Variants in AJAP1 observed in about 807,000 individuals in gnomAD.
AJAP1 encodes the protein adherens junctions associated protein 1.
Under a neutral mutation model 35.0 loss-of-function variants are expected in AJAP1, and 5 were observed. That is an observed-to-expected ratio of 0.14 (90% CI 0.07 to 0.30). The LOEUF (loss-of-function observed/expected upper bound fraction) is 0.30. Ranked by LOEUF, AJAP1 falls within the 10% of genes least tolerant of loss-of-function variation. The pLI, the probability that AJAP1 is intolerant of heterozygous loss-of-function variation, is 1.00. For synonymous variants in AJAP1, 284 were observed against 249.3 expected (o/e 1.14, Z -1.31); for missense variants, 586 against 571.0 (o/e 1.03, Z -0.27).
rs916623965 is a variant in AJAP1, at chr1:4,738,658, G to A, written c.829+25959G>A. Among the ~76,000 whole-genome samples, 10 of 152,312 alleles carry A rather than the reference G, an allele frequency of 6.6e-5. No homozygotes were observed. The East Asian group carries it at 9.7e-4, about 15-fold the overall frequency. ...GTGCAGAGACTAGGAGAAGCCGCTGGAGGGTTTGAGCTGGGAAGCAGGAAG... is the reference window on the plus strand; with the variant it reads ...GTGCAGAGACTAGGAGAAGCCGCTGAAGGGTTTGAGCTGGGAAGCAGGAAG... On this transcript the variant is annotated intron_variant, in intron 2 of 5. Transcript: ENST00000378191.
At chr1:4,739,657 A>G (rs778630298) in intron 2 of AJAP1, among the ~76,000 whole-genome samples, 13 of 152,076 alleles carry the variant, frequency 8.5e-5, no homozygotes, top group Non-Finnish European at 1.9e-4. Flanking sequence ...CTTGGAGCAT[A>G]TTTTTAAAAG....
rs1642138985 is a variant in AJAP1 at position 4,785,058 on chromosome 1, C to G, written c.*2573C>G. ...CGGGGGGCCCTGTTGGTTCGCTGAT[C>G]ATGAGAACCTAGGATTCCCGAGGGA... On this transcript the variant is annotated 3_prime_UTR_variant, in exon 6 of 6. Coordinates refer to ENST00000378191, the MANE Select transcript of AJAP1 (RefSeq NM_018836.4). The G allele has an allele frequency of 6.6e-6, 1 of 152,354 alleles. No individual in the cohort carries two copies. Among genetic ancestry groups the G allele is most frequent in the Admixed American group, 6.5e-5 (1 of 15,294 alleles). 9.4% of individuals were successfully genotyped at this position (152,354 alleles called of 1,614,324 possible).
At position 4,786,101 on chromosome 1, in the gene AJAP1, C is replaced by G. The variant is rs1018943561; in HGVS notation, c.*3616C>G. 6.6e-6 allele frequency: 1 copy of G among 152,322 alleles called. No individual in the cohort carries two copies. The highest frequency in any genetic ancestry group is 1.9e-4 in the East Asian group (1 of 5,170). The allele number at this position is 152,322 out of a possible 1,614,324, so 9.4% of individuals were successfully genotyped here. ...TGGTCAGGGAGCTTCCCCACCGTTT[C>G]CCATTGGGCTCAGATTCCAGCCATT... is the stretch of plus-strand genomic sequence containing the variant. On this transcript the variant is annotated 3_prime_UTR_variant, in exon 6 of 6. Coordinates refer to ENST00000378191, the MANE Select transcript of AJAP1 (RefSeq NM_018836.4).
In AJAP1 at chr1:4,790,517, C is replaced by A. The variant is rs1250005883; in HGVS notation, c.*8032C>A. 7.2e-5 allele frequency: 11 copies of A among 152,366 alleles called. No individual in the cohort carries two copies. Among genetic ancestry groups the A allele is most frequent in the African/African-American group, 2.2e-4 (9 of 41,598 alleles). The allele number at this position is 152,366 out of a possible 1,614,324, so 9.4% of individuals were successfully genotyped here. On this transcript the variant is annotated 3_prime_UTR_variant, in exon 6 of 6. Coordinates refer to ENST00000378191, the MANE Select transcript of AJAP1 (RefSeq NM_018836.4). ...GGGGCAACTGGTTTTGAAAAGCCCG[C>A]TGGCGTGCCAGAGGGGGTGTTTGCC... is the stretch of plus-strand genomic sequence containing the variant.
At chr1:4,749,556 G>T (rs987458611) in intron 2 of AJAP1, among the ~76,000 whole-genome samples, 9 of 152,190 alleles carry the variant, frequency 5.9e-5, no homozygotes, top group Non-Finnish European at 1.3e-4. Flanking sequence ...CCACGGACGT[G>T]GGGAGGCACA....
rs1639949032 is a variant in AJAP1, at chr1:4,699,930, G to C, written c.30-11970G>C. ...TGTAGCTGTGGCTGAATCCCTGTGGGGTATTATTTTAGTATCCTACGCCGT... is the reference window on the plus strand; with the variant it reads ...TGTAGCTGTGGCTGAATCCCTGTGGCGTATTATTTTAGTATCCTACGCCGT... On this transcript the variant is annotated intron_variant, in intron 1 of 5. Coordinates refer to ENST00000378191, the MANE Select transcript of AJAP1 (RefSeq NM_018836.4). Among the ~76,000 whole-genome samples, 3 of 152,270 alleles carry C rather than the reference G, an allele frequency of 2.0e-5. No individual in the cohort carries two copies. In the South Asian group the frequency reaches 6.2e-4, roughly 32 times the overall value.
intron 1 of AJAP1, among the ~76,000 whole-genome samples, chr1:4,686,991 C>T (rs1639621140): frequency 6.6e-6 from 1 of 152,184 alleles, no homozygotes; most frequent in African/African-American, 2.4e-5. Context: ...CCAAGTTGAC[C>T]AGGGCTGCCT....
chr1:4,666,696 TCGCGGGAGGGG>T (rs1639130554), intron 1 of AJAP1, among the ~76,000 whole-genome samples: 3 of 131,732 alleles, frequency 2.3e-5, no homozygotes, highest in Admixed American at 7.8e-5. Flanking sequence ...GGCCCAAGAA[TCGCGGGAGGGG>T]TGCGGAGAGG....
At chr1:4,781,457 G>A (rs915149650) in intron 5 of AJAP1, among the ~76,000 whole-genome samples, 1 of 152,202 alleles carries the variant, frequency 6.6e-6, no homozygotes, top group Non-Finnish European at 1.5e-5. Flanking sequence ...TGACGATGAC[G>A]GAGCCGGTCT....
At chr1:4,680,891 C>T (rs1271633066) in intron 1 of AJAP1, among the ~76,000 whole-genome samples, 5 of 152,080 alleles carry the variant, frequency 3.3e-5, no homozygotes, top group African/African-American at 4.8e-5. Context: ...TGGACTATTT[C>T]TGTGCGGGAT....
At chr1:4,762,747 A>ACCC (rs1157721883) in intron 2 of AJAP1, among the ~76,000 whole-genome samples, 3 of 151,884 alleles carry the variant, frequency 2.0e-5, no homozygotes, top group African/African-American at 7.3e-5. Context: ...GATTGTGGGG[A>ACCC]CCCCAAATGG....
intron 5 of AJAP1, chr1:4,777,695 A>G (rs2100370660): frequency 6.6e-6 from 1 of 152,346 alleles, no homozygotes; most frequent in Admixed American, 6.5e-5. Flanking sequence ...GGAGCCTGCA[A>G]AGTCATAAAA....
At chr1:4,686,912 G>A (rs1639619256) in intron 1 of AJAP1, among the ~76,000 whole-genome samples, 1 of 152,180 alleles carries the variant, frequency 6.6e-6, no homozygotes, top group Non-Finnish European at 1.5e-5. Context: ...CAAGCAAAGG[G>A]AATCTCCACT....
chr1:4,693,729 T>G lies in AJAP1; in HGVS notation c.30-18171T>G, dbSNP rs145399909. 9.1e-3 allele frequency among the ~76,000 whole-genome samples: 1,386 copies of G among 152,272 alleles called. 30 individuals carry two copies. Among genetic ancestry groups the G allele is most frequent in the East Asian group, 0.071 (369 of 5,174 alleles). ...GGCACCCAAGGTCAAGGGGCCCACG[T>G]CTCGCTGGGGCTTCTTGCTGTGTAA... On this transcript the variant is annotated intron_variant, in intron 1 of 5. Transcript: ENST00000378191. This position sits in a 1 kb window ranked among gnomAD's most constrained non-coding sequence, Gnocchi z 4.4.
intron 2 of AJAP1, among the ~76,000 whole-genome samples, chr1:4,728,378 G>A (rs932546632): frequency 6.6e-5 from 10 of 152,084 alleles, no homozygotes; most frequent in Admixed American, 3.9e-4. Context: ...TGTGTGGCTC[G>A]TGGTTTCCTT....
At chr1:4,735,600 A>G (rs1640903448) in intron 2 of AJAP1, among the ~76,000 whole-genome samples, 1 of 152,188 alleles carries the variant, frequency 6.6e-6, no homozygotes, top group Non-Finnish European at 1.5e-5. Context: ...GAGGCTGCAC[A>G]CGGAGGTCTC....
At chr1:4,772,591 G>T in intron 4 of AJAP1, 66 bp downstream of exon 4, 1 of 1,583,586 alleles carries the variant, frequency 6.3e-7, no homozygotes, top group Non-Finnish European at 8.6e-7. Flanking sequence ...CCCGGGGGCC[G>T]GTGTGGCTGA....
chr1:4,751,856 G>A (rs1413014189), intron 2 of AJAP1, among the ~76,000 whole-genome samples: 1 of 152,196 alleles, frequency 6.6e-6, no homozygotes, highest in Non-Finnish European at 1.5e-5. Context: ...CCAACACAAA[G>A]GCAGGGCCGG....
intron 2 of AJAP1, among the ~76,000 whole-genome samples, chr1:4,765,719 G>A (rs1291289874): frequency 6.6e-6 from 1 of 152,162 alleles, no homozygotes; most frequent in Non-Finnish European, 1.5e-5. Flanking sequence ...GCCATCGAAG[G>A]AATCAAACTG....
Sources: gnomAD v4.1 joint callset for allele counts (sites outside exome capture counted in the v4.1 genomes callset) on GRCh38, gnomAD v4.1.1 for gene constraint, Gnocchi (gnomAD v3.1) non-coding constraint, MANE v1.5 for transcripts, NCBI Gene and HGNC (gene_info 2026-07-23, HGNC 2026-07-21) for gene names.